The following COL4A1 variants were observed in gnomAD, a reference collection of about 807,000 sequenced individuals.
COL4A1 encodes collagen type IV alpha 1 chain.
In COL4A1, 40 loss-of-function variants were observed where a neutral mutation model predicts 216.6. The observed-to-expected ratio is 0.18, with a 90% CI of 0.14 to 0.24. The LOEUF (loss-of-function observed/expected upper bound fraction) is 0.24. Among genes scored for constraint, COL4A1 ranks in the 10% least tolerant of loss-of-function variants. The pLI, the probability that COL4A1 is intolerant of heterozygous loss-of-function variation, is 1.00. For missense variants in COL4A1, 1,628 were observed against 2,196.8 expected (o/e 0.74, Z 5.18); for synonymous variants, 839 against 810.7 (o/e 1.03, Z -0.59).
chr13:110,169,727 C>T lies in COL4A1; in HGVS notation c.3778G>A (p.Gly1260Arg). 1 of 1,614,058 alleles carries T rather than the reference C, an allele frequency of 6.2e-7. No individual in the cohort carries two copies. Among genetic ancestry groups the T allele is most frequent in the Non-Finnish European group, 8.5e-7 (1 of 1,180,030 alleles). Reference protein sequence around the residue: ...PGPMGPPGLPGIDGVKGDKGN... With the variant: ...PGPMGPPGLPRIDGVKGDKGN... ...TTGTCACCTTTAACTCCATCAATCC[C>T]AGGAAGCCCTGGAGGCCCCATGGGT... is the stretch of plus-strand genomic sequence containing the variant. Residue 1260 changes from glycine (G) to arginine (R), a missense_variant, in exon 43 of 52, where the codon GGG (glycine) becomes AGG (arginine). Physicochemically the swap from Gly to Arg is moderately radical, Grantham distance 125 (BLOSUM62 -2). This residue lies in a region of COL4A1 where 345 missense variants were observed against 476.9 expected (regional missense o/e 0.72). Coordinates refer to ENST00000375820, the MANE Select transcript of COL4A1 (RefSeq NM_001845.6).
chr13:110,177,475 C>T (rs1372545468), intron 33 of COL4A1, among the ~76,000 whole-genome samples: 2 of 152,090 alleles, frequency 1.3e-5, no homozygotes, highest in Admixed American at 6.5e-5. Flanking sequence ...CTTCAAATAA[C>T]GATAAGAAAT....
intron 2 of COL4A1, among the ~76,000 whole-genome samples, chr13:110,239,340 G>GA (rs762465081): frequency 9.2e-5 from 14 of 152,152 alleles, no homozygotes; most frequent in Non-Finnish European, 1.5e-4. Context: ...TTCTGTTGAG[G>GA]ATACTGATGG....
At chr13:110,252,544 TA>T (rs1882151689) in intron 1 of COL4A1, among the ~76,000 whole-genome samples, 1 of 46,452 alleles carries the variant, frequency 2.2e-5, no homozygotes, top group Admixed American at 2.8e-4. Context: ...ATATATGTAT[TA>T]TATATACGTA....
Position 110,214,030 on chromosome 13 carries a change from C to A in COL4A1, c.145-15G>T, listed in dbSNP as rs778922909. 6.2e-7 allele frequency: 1 copy of A among 1,610,802 alleles called. No homozygotes were observed. Among genetic ancestry groups the A allele is most frequent in the African/African-American group, 1.3e-5 (1 of 74,860 alleles). On this transcript the variant is annotated splice_polypyrimidine_tract_variant and intron_variant, in intron 2 of 51. Coordinates refer to ENST00000375820, the MANE Select transcript of COL4A1 (RefSeq NM_001845.6). Reference sequence around the variant, plus strand: ...CCTCTTTCACCCTACAGAAGAGGAACATCAGTCAGGCAAAAGGCAGCAGTA... The same window carrying A: ...CCTCTTTCACCCTACAGAAGAGGAAAATCAGTCAGGCAAAAGGCAGCAGTA...
intron 43 of COL4A1, among the ~76,000 whole-genome samples, chr13:110,169,061 A>G (rs1374902752): frequency 1.3e-5 from 2 of 152,176 alleles, no homozygotes; most frequent in Admixed American, 6.5e-5. Flanking sequence ...ACACACAGAA[A>G]TACACAAGGC....
chr13:110,242,678 T>G lies in COL4A1; in HGVS notation c.141A>C (p.Gln47His). 1 of 1,614,218 alleles carries G rather than the reference T, an allele frequency of 6.2e-7. No individual in the cohort carries two copies. The highest frequency in any genetic ancestry group is 8.5e-7 in the Non-Finnish European group (1 of 1,180,030). Reference sequence around the variant, plus strand: ...GATTTAAATTTCGGCAACTCACCTTTTGTCCCTTCACTCCATGGCAGTCAC... The same window carrying G: ...GATTTAAATTTCGGCAACTCACCTTGTGTCCCTTCACTCCATGGCAGTCAC... ...GKCDCHGVKG[Q>H]KGERGLPGLQ... Residue 47 changes from glutamine (Q) to histidine (H), a missense_variant, in exon 2 of 52, where the codon CAA becomes CAC. By Grantham distance (24) the Gln-to-His change is conservative. Coordinates refer to ENST00000375820, the MANE Select transcript of COL4A1 (RefSeq NM_001845.6).
At chr13:110,276,226 A>G (rs1224519337) in intron 1 of COL4A1, among the ~76,000 whole-genome samples, 1 of 152,180 alleles carries the variant, frequency 6.6e-6, no homozygotes, top group East Asian at 1.9e-4. Context: ...AACTTGCTCT[A>G]AAAATCAAGT....
intron 18 of COL4A1, among the ~76,000 whole-genome samples, chr13:110,202,353 T>C (rs1439235931): frequency 6.6e-6 from 1 of 152,110 alleles, no homozygotes; most frequent in Non-Finnish European, 1.5e-5. Context: ...TTAATGGAAT[T>C]CAAGACAAGC....
intron 45 of COL4A1, among the ~76,000 whole-genome samples, chr13:110,165,225 C>A (rs1471545441): frequency 6.6e-6 from 1 of 152,184 alleles, no homozygotes; most frequent in Non-Finnish European, 1.5e-5. Flanking sequence ...ATCAGCGTAA[C>A]TTCCCACTGC....
intron 42 of COL4A1, among the ~76,000 whole-genome samples, 182 bp from the exon 43 acceptor site, chr13:110,169,944 G>GAAGGGA: frequency 6.6e-6 from 1 of 150,804 alleles, no homozygotes; most frequent in Non-Finnish European, 1.5e-5. Flanking sequence ...AGGGAGGGAG[G>GAAGGGA]GAATAGAAAC....
At chr13:110,154,790 T>TA (rs1876696786) in intron 50 of COL4A1, among the ~76,000 whole-genome samples, 4 of 152,110 alleles carry the variant, frequency 2.6e-5, no homozygotes, top group African/African-American at 7.2e-5. Context: ...ATAGAGAAGC[T>TA]GCTCAAAGAT....
At chr13:110,291,989 CAT>C (rs573728467) in intron 1 of COL4A1, among the ~76,000 whole-genome samples, 178 of 152,332 alleles carry the variant, frequency 1.2e-3, no homozygotes, top group Non-Finnish European at 1.8e-3. Flanking sequence ...GGTCTGCACA[CAT>C]GTCTTTCGAG....
intron 44 of COL4A1, 133 bp downstream of exon 44, chr13:110,167,025 T>G (rs1877375613): frequency 1.3e-6 from 1 of 797,926 alleles, no homozygotes; most frequent in African/African-American, 1.7e-5. Context: ...ATGCCATTTT[T>G]AATTTGAAGA....
At chr13:110,248,105 C>A (rs74126132) in intron 1 of COL4A1, among the ~76,000 whole-genome samples, 1 of 152,286 alleles carries the variant, frequency 6.6e-6, no homozygotes, top group African/African-American at 2.4e-5. Flanking sequence ...TTCTCGCATT[C>A]CCTATGCTGT....
intron 1 of COL4A1, among the ~76,000 whole-genome samples, chr13:110,283,424 C>T (rs1285771185): frequency 6.6e-6 from 1 of 152,156 alleles, no homozygotes; most frequent in Non-Finnish European, 1.5e-5. Context: ...CGTGCCCAAG[C>T]CATGATGTAA....
At position 110,161,222 on chromosome 13, in the gene COL4A1, G is replaced by C. The variant is rs763554089; in HGVS notation, c.4610C>G (p.Thr1537Arg). 1.9e-6 allele frequency: 3 copies of C among 1,614,180 alleles called. No individual in the cohort carries two copies. The highest frequency in any genetic ancestry group is 2.2e-5 in the South Asian group (2 of 91,084). Reference protein sequence around the residue: ...EPMPMSMAPITGENIRPFISR... With the variant: ...EPMPMSMAPIRGENIRPFISR... ...AATAAATGGTCTTATGTTTTCCCCC[G>C]TGATGGGTGCCATTGACATGGGCAT... is the stretch of plus-strand genomic sequence containing the variant. The change falls in exon 49 of 52, where the codon ACG becomes AGG. Residue 1537 changes from threonine to arginine, a missense_variant. Thr to Arg is a moderately conservative substitution (Grantham distance 71, BLOSUM62 -1). This residue lies in a region of COL4A1 where 254 missense variants were observed against 300.1 expected (regional missense o/e 0.85). Transcript: ENST00000375820.
In COL4A1 at chr13:110,205,503, T is replaced by C; in HGVS notation, c.894A>G (p.Lys298=). The change falls in exon 16 of 52, where the codon AAA becomes AAG. Residue 298 remains lysine (K), a synonymous_variant. Transcript: ENST00000375820. ...ACAGAGAAACACTTACGGGACTCCC[T>C]TTTTCCCCTTTGTCACCATCTTTTC... ...KPGKDGDKGE[K]GSPGFPGEPG... 6.2e-7 allele frequency: 1 copy of C among 1,609,788 alleles called. No individual in the cohort carries two copies. The highest frequency in any genetic ancestry group is 8.5e-7 in the Non-Finnish European group (1 of 1,176,504).
chr13:110,234,449 G>A (rs10162140), intron 2 of COL4A1, among the ~76,000 whole-genome samples: 2,313 of 152,188 alleles, frequency 0.015, 72 homozygotes, highest in African/African-American at 0.053. Context: ...AGGTGGGGGG[G>A]TACACGCCTA....
At chr13:110,200,998 G>T in intron 19 of COL4A1, 109 bp from the exon 20 acceptor site, 2 of 1,213,736 alleles carry the variant, frequency 1.6e-6, no homozygotes, top group Non-Finnish European at 2.4e-6. Flanking sequence ...AGTGTCCATG[G>T]CCAAAGGGAA....
Sources: gnomAD v4.1 joint callset for allele counts (sites outside exome capture counted in the v4.1 genomes callset) on GRCh38, gnomAD v4.1.1 for gene constraint, gnomAD v4.1.1 regional missense constraint, MANE v1.5 for transcripts, NCBI Gene and HGNC (gene_info 2026-07-23, HGNC 2026-07-21) for gene names.